The following MYBPC1 variants were observed in gnomAD, a reference collection of about 807,000 sequenced individuals.
MYBPC1 encodes myosin-binding protein C, slow-type.
MYBPC1 carries 52 observed loss-of-function variants against 147.1 expected under a neutral mutation model. That is an observed-to-expected ratio of 0.35 (90% confidence interval 0.28 to 0.45). MYBPC1 has a LOEUF of 0.45. Among genes scored for constraint, MYBPC1 ranks in the 20% least tolerant of loss-of-function variants. MYBPC1 has a pLI of 1.00. For missense variants in MYBPC1, 1,228 were observed against 1,440.3 expected (o/e 0.85, Z 2.39); for synonymous variants, 477 against 475.9 (o/e 1.00, Z -0.03).
At chr12:101,605,745 C>T (rs1331308726) in intron 1 of MYBPC1, among the ~76,000 whole-genome samples, 1 of 152,004 alleles carries the variant, frequency 6.6e-6, no homozygotes, top group Non-Finnish European at 1.5e-5. Flanking sequence ...CCGTGTAATT[C>T]CAGCTACTCA....
intron 30 of MYBPC1, 149 bp from the exon 31 acceptor site, chr12:101,684,233 T>C: frequency 1.4e-6 from 1 of 703,914 alleles, no homozygotes; most frequent in East Asian, 2.6e-5. Context: ...TGCTTCTATT[T>C]TCCTACATCT....
chr12:101,654,978 A>T (rs1467295597), intron 18 of MYBPC1, among the ~76,000 whole-genome samples: 1 of 152,254 alleles, frequency 6.6e-6, no homozygotes, highest in Non-Finnish European at 1.5e-5. Context: ...GAATACAAAA[A>T]TATCAAGCAC....
At chr12:101,692,073 A>T in the MYBPC1 span, among the ~76,000 whole-genome samples, 1 of 152,174 alleles carries the variant, frequency 6.6e-6, no homozygotes, top group Non-Finnish European at 1.5e-5. Flanking sequence ...ACTCCCCAAC[A>T]GGGAACAAAT....
chr12:101,686,532 C>G (rs189187606), downstream of MYBPC1, among the ~76,000 whole-genome samples: 7 of 152,304 alleles, frequency 4.6e-5, no homozygotes, highest in Middle Eastern at 3.4e-3. Context: ...TTATACTAAC[C>G]CATAATATTT....
intron 3 of MYBPC1, among the ~76,000 whole-genome samples, chr12:101,624,898 G>A (rs1306014462): frequency 2.6e-5 from 4 of 152,032 alleles, no homozygotes; most frequent in Non-Finnish European, 5.9e-5. Context: ...AGTGATGTGA[G>A]CACTGTTGCT....
At chr12:101,643,721 T>C (rs960582585) in intron 11 of MYBPC1, among the ~76,000 whole-genome samples, 1 of 152,176 alleles carries the variant, frequency 6.6e-6, no homozygotes, top group Admixed American at 6.5e-5. Context: ...TATCTTTATT[T>C]AGGACCCTTC....
chr12:101,607,864 T>G (rs1021372464), intron 1 of MYBPC1, among the ~76,000 whole-genome samples: 1 of 152,202 alleles, frequency 6.6e-6, no homozygotes, highest in Non-Finnish European at 1.5e-5. Flanking sequence ...AGACGTAAGA[T>G]TTCTTTTTTT....
chr12:101,620,299 G>T (rs577123247), intron 3 of MYBPC1, among the ~76,000 whole-genome samples: 5 of 152,316 alleles, frequency 3.3e-5, no homozygotes, highest in African/African-American at 9.6e-5. Context: ...AATAATTATA[G>T]GTAGCAAATT....
chr12:101,687,095 C>G (rs570342211), downstream of MYBPC1, among the ~76,000 whole-genome samples: 1 of 151,896 alleles, frequency 6.6e-6, no homozygotes, highest in Admixed American at 6.6e-5. Flanking sequence ...TTATTATACT[C>G]TAAGTTCTAG....
At position 101,642,422 on chromosome 12, in the gene MYBPC1, G is replaced by A. The variant is rs1299432954; in HGVS notation, c.669G>A (p.Glu223=). Residue 223 remains glutamate (E), a synonymous_variant, in exon 11 of 32, where the codon GAG becomes GAA. Transcript: ENST00000361466. ...LDFSGLLKRR[E]VKQQEEEPQV... ...GACCATGGTTCTCCCCGGTTAGGGA[G>A]GTGAAGCAGCAGGAGGAAGAACCCC... 2.5e-6 allele frequency: 4 copies of A among 1,613,992 alleles called. No individual in the cohort carries two copies. The highest frequency in any genetic ancestry group is 1.3e-5 in the African/African-American group (1 of 74,940).
rs371671287 is a variant in MYBPC1, at chr12:101,666,900, C to T, written c.2357-832C>T. 98,670 of 380,284 alleles carry T rather than the reference C, an allele frequency of 0.26. 8,297 individuals carry two copies. The highest frequency in any genetic ancestry group is 0.35 in the East Asian group (5,120 of 14,574). The allele number at this position is 380,284 out of a possible 1,614,324, so 23.6% of individuals were successfully genotyped here. On this transcript the variant is annotated intron_variant, in intron 22 of 31. Transcript: ENST00000361466. The stretch of plus-strand genomic sequence containing the variant: ...AGAATACTCATCACATACATACACA[C>T]ACACACACACACACACACACACACA...
In MYBPC1 at chr12:101,650,748, AT is replaced by A. The variant is rs1468440794; in HGVS notation, c.1364-482del. On this transcript the variant is annotated intron_variant, in intron 15 of 31. Transcript: ENST00000361466. ...AAAAAGTAGTAGCACAGTTTTACAC[AT>A]GCTAAATGGTTAATAAATATAATAA... The A allele has an allele frequency of 1.5e-5, 3 of 202,060 alleles. No individual in the cohort carries two copies. In the East Asian group the frequency reaches 3.6e-4, roughly 24 times the overall value. The allele number at this position is 202,060 out of a possible 1,614,324, so 12.5% of individuals were successfully genotyped here.
intron 8 of MYBPC1, among the ~76,000 whole-genome samples, chr12:101,634,121 CGATCTCCTGATCTCGT>C (rs1890526419): frequency 6.6e-6 from 1 of 151,984 alleles, no homozygotes; most frequent in Non-Finnish European, 1.5e-5. Flanking sequence ...AGGCTGGTCG[CGATCTCCTGATCTCGT>C]GATCCGCCCG....
chr12:101,603,968 C>G (rs997644475), intron 1 of MYBPC1, among the ~76,000 whole-genome samples: 1 of 151,930 alleles, frequency 6.6e-6, no homozygotes, highest in Non-Finnish European at 1.5e-5. Flanking sequence ...TCAAGATCCC[C>G]AAAAAAGACA....
At chr12:101,674,434 C>T (rs1899402690) in intron 25 of MYBPC1, among the ~76,000 whole-genome samples, 1 of 152,020 alleles carries the variant, frequency 6.6e-6, no homozygotes, top group African/African-American at 2.4e-5. Flanking sequence ...TTGATCCTGC[C>T]AGAGTAGTTA....
rs548641892 is a variant in MYBPC1, at chr12:101,647,131, C to T, written c.1090+244C>T. On this transcript the variant is annotated intron_variant, in intron 13 of 31. Coordinates refer to ENST00000361466, the MANE Select transcript of MYBPC1 (RefSeq NM_002465.4). The stretch of plus-strand genomic sequence containing the variant: ...GCAAAAATAATTATTCTAGTTATAG[C>T]TTTGAAACCCAACAGATTTTACTGG... 13 of 501,218 alleles carry T rather than the reference C, an allele frequency of 2.6e-5. No individual in the cohort carries two copies. The Admixed American group carries it at 3.2e-4, about 12-fold the overall frequency. 31.0% of individuals were successfully genotyped at this position (501,218 alleles called of 1,614,324 possible).
chr12:101,639,061 C>G (rs762631731), intron 10 of MYBPC1, among the ~76,000 whole-genome samples: 1 of 152,094 alleles, frequency 6.6e-6, no homozygotes, highest in African/African-American at 2.4e-5. Context: ...CTCTGTACAA[C>G]GAAAGATCTT....
chr12:101,596,017 C>T (rs1451449788), intron 1 of MYBPC1, among the ~76,000 whole-genome samples: 1 of 151,782 alleles, frequency 6.6e-6, no homozygotes, highest in East Asian at 1.9e-4. Context: ...TTCATTAATG[C>T]TTACTGAATC....
chr12:101,624,551 G>A (rs1440965454), intron 3 of MYBPC1, among the ~76,000 whole-genome samples: 1 of 152,022 alleles, frequency 6.6e-6, no homozygotes, highest in Non-Finnish European at 1.5e-5. Context: ...ACAGTGGCGT[G>A]ATGATGGCTC....
Sources: allele counts gnomAD v4.1 joint callset (sites outside exome capture counted in the v4.1 genomes callset), GRCh38; gene constraint gnomAD v4.1.1; transcripts MANE v1.5; gene names NCBI Gene and HGNC (gene_info 2026-07-23, HGNC 2026-07-21).